KLC2: variants seen among roughly 807,000 people sequenced by gnomAD.
KLC2 encodes the protein KLC 2.
KLC2 carries 35 observed loss-of-function variants against 75.1 expected under a neutral mutation model. The ratio of observed to expected loss-of-function variants is 0.47; its 90% CI spans 0.36 to 0.62. The LOEUF (loss-of-function observed/expected upper bound fraction) is 0.62. KLC2 is among the 20% of genes least tolerant of loss of function. The pLI is 0.00. For synonymous variants in KLC2, 314 were observed against 336.7 expected (o/e 0.93, Z 0.74); for missense variants, 611 against 833.2 (o/e 0.73, Z 3.28).
intron 2 of KLC2, 128 bp downstream of exon 2, chr11:66,258,950 C>G (rs1856200980): frequency 1.5e-6 from 1 of 647,268 alleles, no homozygotes; most frequent in African/African-American, 1.8e-5. Context: ...TGTTAGGACC[C>G]CAGTAAATAC....
In KLC2 at chr11:66,266,933, C is replaced by T. The variant is rs986970353; in HGVS notation, c.1846C>T (p.Arg616Ter). The T allele has an allele frequency of 1.9e-6, 3 of 1,613,166 alleles. No individual in the cohort carries two copies. Among genetic ancestry groups the T allele is most frequent in the Admixed American group, 1.7e-5 (1 of 59,998 alleles). Residue 616 changes from arginine to a stop codon, truncating the protein, a stop_gained, in exon 16 of 16, where the codon CGA becomes TGA. Transcript: ENST00000394067. LOFTEE classifies it high-confidence loss of function. The stretch of plus-strand genomic sequence containing the variant: ...CAGCTCCAGCTCCATGGACCTCTCC[C>T]GACGAAGCTCCCTGGTGGGCTAATG... ...TLSSSSMDLSRRSSLVG is the reference protein window; with the variant it reads ...TLSSSSMDLS
intron 2 of KLC2, among the ~76,000 whole-genome samples, chr11:66,260,585 A>G (rs895910159): frequency 2.0e-5 from 3 of 152,076 alleles, no homozygotes; most frequent in Non-Finnish European, 4.4e-5. Context: ...GAGACCCTGT[A>G]TCTACAAAAA....
At chr11:66,254,711 G>A (rs1175744961), upstream of KLC2, among the ~76,000 whole-genome samples, 3 of 149,696 alleles carry the variant, frequency 2.0e-5, no homozygotes, top group South Asian at 6.4e-4. Flanking sequence ...CAAGGTGGGC[G>A]GATCATGGTA....
chr11:66,261,863 A>G lies in KLC2; in HGVS notation c.350A>G (p.Gln117Arg), dbSNP rs775591437. ...CTGCGTGAGGAGCTGGCGGGGACAC[A>G]GCAGAAGCTGCAGCGCAGTGAGCAG... is the stretch of plus-strand genomic sequence containing the variant. ...QWLREELAGTQQKLQRSEQAV... is the reference protein window; with the variant it reads ...QWLREELAGTRQKLQRSEQAV... Residue 117 changes from glutamine to arginine, a missense_variant, in exon 3 of 16, where the codon CAG becomes CGG. Transcript: ENST00000394067. The G allele has an allele frequency of 2.5e-6, 4 of 1,613,992 alleles. No homozygotes were observed. Among genetic ancestry groups the G allele is most frequent in the Non-Finnish European group, 3.4e-6 (4 of 1,180,030 alleles).
At chr11:66,264,466 G>A (rs778598205) in intron 9 of KLC2, 22 bp downstream of exon 9, 3 of 1,538,416 alleles carry the variant, frequency 2.0e-6, no homozygotes, top group East Asian at 2.2e-5. Flanking sequence ...GTCACCAGGT[G>A]CCTCTAGCCC....
chr11:66,254,907 A>G (rs1855991521), upstream of KLC2, among the ~76,000 whole-genome samples: 2 of 152,050 alleles, frequency 1.3e-5, no homozygotes, highest in African/African-American at 2.4e-5. Context: ...CCTGGGCGAC[A>G]GAGCATGACT....
rs776408937 is a variant in KLC2, at chr11:66,267,126, C to T, written c.*170C>T. On this transcript the variant is annotated 3_prime_UTR_variant, in exon 16 of 16. Coordinates refer to ENST00000394067, the MANE Select transcript of KLC2 (RefSeq NM_001318734.2). ...GTCATCTCAGCCTGAGCCCTGGAGG[C>T]TGGGCCTGCCCACTCCAGCTCCATC... is the stretch of plus-strand genomic sequence containing the variant. 15 of 1,530,822 alleles carry T rather than the reference C, an allele frequency of 9.8e-6. No homozygotes were observed. Among genetic ancestry groups the T allele is most frequent in the Non-Finnish European group, 1.2e-5 (14 of 1,135,516 alleles). 94.8% of individuals were successfully genotyped at this position (1,530,822 alleles called of 1,614,324 possible).
intron 4 of KLC2, chr11:66,262,555 T>A: frequency 1.8e-6 from 1 of 568,666 alleles, no homozygotes; most frequent in Non-Finnish European, 3.1e-6. Flanking sequence ...CATCGGGGCC[T>A]CCACTCTGTA....
chr11:66,256,069 G>C (rs1389518164), upstream of KLC2, among the ~76,000 whole-genome samples: 1 of 151,910 alleles, frequency 6.6e-6, no homozygotes, highest in Non-Finnish European at 1.5e-5. Flanking sequence ...CCCAGTCTTT[G>C]TATGTCTTTT....
At chr11:66,266,545 TG>T (rs748230259) in intron 15 of KLC2, 55 bp downstream of exon 15, 30 of 1,520,384 alleles carry the variant, frequency 2.0e-5, no homozygotes, top group Non-Finnish European at 2.5e-5. Context: ...GCTGCATGCG[TG>T]CTGCCAAGCT....
the KLC2 span, among the ~76,000 whole-genome samples, chr11:66,251,583 A>AC: frequency 1.2e-5 from 1 of 85,062 alleles, no homozygotes; most frequent in Admixed American, 9.8e-5. Flanking sequence ...AACCAGCCTG[A>AC]CCAACATGGT....
chr11:66,251,389 A>T, the KLC2 span, among the ~76,000 whole-genome samples: 3 of 134,742 alleles, frequency 2.2e-5, 1 homozygote, highest in African/African-American at 5.1e-5. Context: ...CTACTTGGGA[A>T]GCTGAGCCAC....
chr11:66,259,482 G>A (rs1856239099), intron 2 of KLC2: 1 of 152,338 alleles, frequency 6.6e-6, no homozygotes, highest in Admixed American at 6.5e-5. Context: ...GAGGAACTCA[G>A]GGAAGAACTG....
At chr11:66,250,451 C>T in the KLC2 span, among the ~76,000 whole-genome samples, 2 of 152,134 alleles carry the variant, frequency 1.3e-5, no homozygotes, top group African/African-American at 4.8e-5. Context: ...TATCTCAGGG[C>T]CCTACTCAGA....
In KLC2 at chr11:66,265,700, G is replaced by A. The variant is rs1856773458; in HGVS notation, c.1380G>A (p.Arg460=). 17 of 1,613,816 alleles carry A rather than the reference G, an allele frequency of 1.1e-5. No individual in the cohort carries two copies. The highest frequency in any genetic ancestry group is 1.4e-5 in the Non-Finnish European group (16 of 1,179,986). Reference sequence around the variant, plus strand: ...TGCGCAGCTTGGGGGCCCTATACCGGCGCCAGGGCAAGCTGGAAGCCGCGC... The same window carrying A: ...TGCGCAGCTTGGGGGCCCTATACCGACGCCAGGGCAAGCTGGAAGCCGCGC... ...TTLRSLGALY[R]RQGKLEAAHT... Residue 460 remains arginine, a synonymous_variant, in exon 12 of 16, where the codon CGG becomes CGA. Coordinates refer to ENST00000394067, the MANE Select transcript of KLC2 (RefSeq NM_001318734.2).
chr11:66,265,982 G>C lies in KLC2; in HGVS notation c.1572G>C (p.Glu524Asp). 2 of 1,610,644 alleles carry C rather than the reference G, an allele frequency of 1.2e-6. No individual in the cohort carries two copies. Among genetic ancestry groups the C allele is most frequent in the Non-Finnish European group, 1.7e-6 (2 of 1,177,492 alleles). ...GAGPRSESDL[E>D]DVGPTAEWNG... ...GGCCTCGGTCTGAGTCTGACCTCGA[G>C]GACGTGGGACCTACAGCTGAGTGGA... The change falls in exon 13 of 16, where the codon GAG becomes GAC. Residue 524 changes from glutamate to aspartate, a missense_variant. Glu to Asp is a conservative substitution (Grantham distance 45). Transcript: ENST00000394067.
chr11:66,265,804 G>A, intron 12 of KLC2, 41 bp downstream of exon 12: 1 of 1,605,186 alleles, frequency 6.2e-7, no homozygotes, highest in Non-Finnish European at 8.5e-7. Flanking sequence ...ACACCTGTGT[G>A]GCCCTGGGTG....
chr11:66,264,620 A>G (rs1260729784), intron 9 of KLC2, among the ~76,000 whole-genome samples, 176 bp downstream of exon 9: 1 of 152,192 alleles, frequency 6.6e-6, no homozygotes, highest in African/African-American at 2.4e-5. Context: ...ACATGAGCAC[A>G]CACCCAACTC....
In KLC2 at chr11:66,266,493, A is replaced by G. The variant is rs767669270; in HGVS notation, c.1785+3A>G. The G allele has an allele frequency of 1.2e-6, 2 of 1,613,810 alleles. No homozygotes were observed. Among genetic ancestry groups the G allele is most frequent in the African/African-American group, 2.7e-5 (2 of 74,918 alleles). On this transcript the variant is annotated splice_donor_region_variant and intron_variant, in intron 15 of 15. Coordinates refer to ENST00000394067, the MANE Select transcript of KLC2 (RefSeq NM_001318734.2). ...AGAGCGTGGAAGAGCCGACCCAGGT[A>G]GGGGCAGGCGGGTGTCTGGGCACTG...
Sources: allele counts gnomAD v4.1 joint callset (sites outside exome capture counted in the v4.1 genomes callset), GRCh38; gene constraint gnomAD v4.1.1; transcripts MANE v1.5; gene names NCBI Gene and HGNC (gene_info 2026-07-23, HGNC 2026-07-21).